MTMR2: variants seen among roughly 807,000 people sequenced by gnomAD.
MTMR2 encodes the protein phosphatidylinositol-3,5-bisphosphate 3-phosphatase MTMR2.
MTMR2 carries 55 observed loss-of-function variants against 86.9 expected under a neutral mutation model. The observed-to-expected ratio is 0.63, with a 90% CI of 0.51 to 0.79. The LOEUF (loss-of-function observed/expected upper bound fraction) is 0.79, where lower values mean the gene tolerates loss of function less well. MTMR2 is among the 30% of genes least tolerant of loss of function. The pLI, the probability that MTMR2 is intolerant of heterozygous loss-of-function variation, is 0.00. For missense variants in MTMR2, 659 were observed against 772.3 expected, an observed-to-expected ratio of 0.85 and a Z score of 1.74; for synonymous variants, 241 against 266.8, an observed-to-expected ratio of 0.90 and a Z score of 0.94.
intron 1 of MTMR2, among the ~76,000 whole-genome samples, chr11:95,905,984 G>A (rs573756166): frequency 2.6e-4 from 40 of 152,244 alleles, no homozygotes; most frequent in African/African-American, 8.2e-4. Flanking sequence ...CAGCACTTCC[G>A]GAGGCTGAGG....
rs373460579 is a variant in MTMR2, at chr11:95,866,838, G to T, written c.187-1162C>A. Among the ~76,000 whole-genome samples, 7 of 151,422 alleles carry T rather than the reference G, an allele frequency of 4.6e-5. 1 individual carries two copies. The South Asian group carries it at 1.5e-3, about 32-fold the overall frequency. On this transcript the variant is annotated intron_variant, in intron 2 of 14. Transcript: ENST00000346299. ...ATAGACTTGGGTTCACATCCTGACT[G>T]CACCACATACTAACTTGGTACTCTT...
At chr11:95,849,608 C>T (rs1863936479) in intron 9 of MTMR2, 66 bp downstream of exon 9, 3 of 1,431,680 alleles carry the variant, frequency 2.1e-6, no homozygotes, top group South Asian at 2.3e-5. Flanking sequence ...TTTTACTACA[C>T]TGTGGCCCTG....
intron 12 of MTMR2, 146 bp from the exon 13 acceptor site, chr11:95,838,353 G>A (rs370588663): frequency 3.6e-5 from 23 of 644,280 alleles, no homozygotes; most frequent in African/African-American, 5.4e-5. Flanking sequence ...GGCATTATTC[G>A]TATGGTTTTC....
chr11:95,876,680 C>T (rs989057759), intron 2 of MTMR2, among the ~76,000 whole-genome samples: 3 of 152,040 alleles, frequency 2.0e-5, no homozygotes, highest in Non-Finnish European at 2.9e-5. Flanking sequence ...TTTTTTTATT[C>T]CTACTACATA....
At chr11:95,877,332 CTTTTTTTTTTT>C (rs764782930) in intron 2 of MTMR2, among the ~76,000 whole-genome samples, 7 of 106,308 alleles carry the variant, frequency 6.6e-5, no homozygotes, top group Non-Finnish European at 1.3e-4. Context: ...CAGGGAAGCC[CTTTTTTTTTTT>C]TTTTTTTTTT....
At chr11:95,868,023 T>C (rs1204906166) in intron 2 of MTMR2, among the ~76,000 whole-genome samples, 1 of 151,666 alleles carries the variant, frequency 6.6e-6, no homozygotes, top group Non-Finnish European at 1.5e-5. Context: ...CTCAGCATCC[T>C]AGGAGGCCGA....
chr11:95,845,170 G>T lies in MTMR2; in HGVS notation c.1180-11C>A, dbSNP rs1200941827. The T allele has an allele frequency of 1.3e-6, 2 of 1,588,462 alleles. No homozygotes were observed. The highest frequency in any genetic ancestry group is 2.2e-5 in the South Asian group (2 of 90,932). On this transcript the variant is annotated splice_polypyrimidine_tract_variant and intron_variant, in intron 10 of 14. Transcript: ENST00000346299. ...CCCTGCAAGAATAAGCTGGAAAACA[G>T]ATTTTTTAATACATTGTTTTTAAAC...
chr11:95,905,331 GCACA>G (rs10552965), intron 1 of MTMR2, among the ~76,000 whole-genome samples: 33,208 of 147,496 alleles, frequency 0.23, 4,229 homozygotes, highest in African/African-American at 0.36. Context: ...ACGCACCTGC[GCACA>G]CACACACACA....
At position 95,892,013 on chromosome 11, in the gene MTMR2, A is replaced by G. The variant is rs140224179; in HGVS notation, c.81-3752T>C. Among the ~76,000 whole-genome samples the G allele has an allele frequency of 2.0e-3, 308 of 152,286 alleles. 4 individuals carry two copies. Among genetic ancestry groups the G allele is most frequent in the African/African-American group, 6.9e-3 (286 of 41,564 alleles). The stretch of plus-strand genomic sequence containing the variant: ...GACTGAAGGTGGCCGTGGGCACAGT[A>G]GGATGCATAGTTCTCTTTTCTGTAG... On this transcript the variant is annotated intron_variant, in intron 1 of 14. Transcript: ENST00000346299.
chr11:95,910,216 C>A (rs1483697272), intron 1 of MTMR2, among the ~76,000 whole-genome samples: 1 of 151,740 alleles, frequency 6.6e-6, no homozygotes, highest in African/African-American at 2.4e-5. Flanking sequence ...ACCAATTTCA[C>A]CACCAGTATT....
chr11:95,859,122 T>C (rs1288516322), intron 5 of MTMR2, among the ~76,000 whole-genome samples: 1 of 152,168 alleles, frequency 6.6e-6, no homozygotes, highest in African/African-American at 2.4e-5. Context: ...TTCCCAGGGT[T>C]CATTTGCATT....
chr11:95,865,298 C>T, intron 3 of MTMR2: 1 of 357,508 alleles, frequency 2.8e-6, no homozygotes, highest in Non-Finnish European at 5.1e-6. Context: ...AATTTTCCTT[C>T]ACAGGCTTCA....
At chr11:95,918,189 CA>C (rs951325443) in intron 1 of MTMR2, among the ~76,000 whole-genome samples, 1 of 152,154 alleles carries the variant, frequency 6.6e-6, no homozygotes, top group Non-Finnish European at 1.5e-5. Flanking sequence ...CACCAATTAG[CA>C]AAAGATCCAA....
intron 2 of MTMR2, among the ~76,000 whole-genome samples, chr11:95,871,305 A>G (rs1438104664): frequency 5.3e-5 from 8 of 152,216 alleles, no homozygotes. Flanking sequence ...TCCCTGAGGA[A>G]TCGCCACACT....
chr11:95,880,552 G>A (rs1326329904), intron 2 of MTMR2, among the ~76,000 whole-genome samples: 1 of 152,032 alleles, frequency 6.6e-6, no homozygotes, highest in African/African-American at 2.4e-5. Context: ...CACTGTATGA[G>A]AATTCCCACT....
At chr11:95,852,600 T>C (rs181079583) in intron 7 of MTMR2, among the ~76,000 whole-genome samples, 3 of 152,314 alleles carry the variant, frequency 2.0e-5, no homozygotes, top group African/African-American at 7.2e-5. Context: ...TTTCCCTCCC[T>C]CCTGATTTCG....
intron 2 of MTMR2, among the ~76,000 whole-genome samples, chr11:95,870,381 C>T (rs986960997): frequency 6.6e-6 from 1 of 151,624 alleles, no homozygotes; most frequent in Non-Finnish European, 1.5e-5. Flanking sequence ...TTGATAGGGG[C>T]AGATGGCATG....
intron 2 of MTMR2, among the ~76,000 whole-genome samples, chr11:95,876,388 A>G (rs1462188170): frequency 6.6e-6 from 1 of 152,188 alleles, no homozygotes; most frequent in Non-Finnish European, 1.5e-5. Context: ...CTCAGATATG[A>G]GGGAAGAAAA....
chr11:95,874,106 T>G (rs183145836), intron 2 of MTMR2, among the ~76,000 whole-genome samples: 5,111 of 152,290 alleles, frequency 0.034, 294 homozygotes, highest in African/African-American at 0.12. Flanking sequence ...AGATGTCTAT[T>G]AGGTCTGCTT....
Sources: gnomAD v4.1 joint callset for allele counts (sites outside exome capture counted in the v4.1 genomes callset) on GRCh38, gnomAD v4.1.1 for gene constraint, MANE v1.5 for transcripts, NCBI Gene and HGNC (gene_info 2026-07-23, HGNC 2026-07-21) for gene names.